Variants in RB1 observed in about 807,000 individuals in gnomAD.
RB1 encodes retinoblastoma-associated protein.
Under a neutral mutation model 135.4 loss-of-function variants are expected in RB1, and 18 were observed. The ratio of observed to expected loss-of-function variants is 0.13; its 90% CI spans 0.09 to 0.20. The LOEUF (loss-of-function observed/expected upper bound fraction) is 0.20. RB1 is among the 10% of genes least tolerant of loss of function. The pLI, the probability that RB1 is intolerant of heterozygous loss-of-function variation, is 1.00. For missense variants in RB1, 868 were observed against 1,110.0 expected (o/e 0.78, Z 3.10); for synonymous variants, 365 against 373.2 (o/e 0.98, Z 0.25).
At chr13:48,423,484 T>C (rs1949036746) in intron 17 of RB1, among the ~76,000 whole-genome samples, 1 of 152,336 alleles carries the variant, frequency 6.6e-6, no homozygotes, top group East Asian at 1.9e-4. Flanking sequence ...TTAAATATTC[T>C]GTAAAAGGCT....
chr13:48,362,376 C>A (rs1386181427), intron 7 of RB1, among the ~76,000 whole-genome samples: 1 of 151,522 alleles, frequency 6.6e-6, no homozygotes, highest in East Asian at 1.9e-4. Flanking sequence ...ATATTTTATA[C>A]CTATCTTTTA....
chr13:48,419,319 A>C (rs1390438092), intron 17 of RB1, among the ~76,000 whole-genome samples: 1 of 152,232 alleles, frequency 6.6e-6, no homozygotes, highest in Non-Finnish European at 1.5e-5. Flanking sequence ...GCAGAAACAA[A>C]GAAGTTCTTT....
intron 2 of RB1, among the ~76,000 whole-genome samples, chr13:48,315,927 T>C (rs1952177928): frequency 6.6e-6 from 1 of 152,202 alleles, no homozygotes; most frequent in African/African-American, 2.4e-5. Flanking sequence ...CTCACACTGT[T>C]TTCCATAGAG....
intron 17 of RB1, among the ~76,000 whole-genome samples, chr13:48,388,339 A>G (rs1435400689): frequency 1.3e-5 from 2 of 152,110 alleles, no homozygotes; most frequent in African/African-American, 4.8e-5. Flanking sequence ...ATTTCATTTG[A>G]TGAGTTTTAA....
At chr13:48,322,852 T>C (rs894774392) in intron 2 of RB1, among the ~76,000 whole-genome samples, 13 of 152,212 alleles carry the variant, frequency 8.5e-5, no homozygotes, top group Non-Finnish European at 4.4e-5. Flanking sequence ...ACATTGCATC[T>C]CTGGAATAAG....
At chr13:48,460,497 T>C (rs1361185676) in intron 20 of RB1, among the ~76,000 whole-genome samples, 1 of 152,228 alleles carries the variant, frequency 6.6e-6, no homozygotes, top group African/African-American at 2.4e-5. Context: ...ACTGGCTTTT[T>C]CTATGTAGTA....
At chr13:48,323,639 A>G (rs1194911086) in intron 2 of RB1, among the ~76,000 whole-genome samples, 1 of 152,064 alleles carries the variant, frequency 6.6e-6, no homozygotes, top group Non-Finnish European at 1.5e-5. Flanking sequence ...GATATATCTT[A>G]TATATAATTG....
At chr13:48,435,406 G>T (rs1301717733) in intron 17 of RB1, among the ~76,000 whole-genome samples, 1 of 152,030 alleles carries the variant, frequency 6.6e-6, no homozygotes, top group African/African-American at 2.4e-5. Flanking sequence ...CTCATTTTCT[G>T]ATTGGATTGT....
intron 17 of RB1, chr13:48,411,221 C>G (rs947546709): frequency 3.5e-6 from 2 of 579,142 alleles, no homozygotes; most frequent in Non-Finnish European, 6.1e-6. Flanking sequence ...AAATAAAATA[C>G]ATGTTAATGC....
intron 2 of RB1, among the ~76,000 whole-genome samples, chr13:48,336,168 A>C (rs138857816): frequency 0.016 from 2,489 of 152,238 alleles, 60 homozygotes; most frequent in African/African-American, 0.054. Context: ...TGTCTCTGCC[A>C]GGCTTTGGTA....
At chr13:48,449,218 A>C (rs933008657) in intron 17 of RB1, among the ~76,000 whole-genome samples, 5 of 152,114 alleles carry the variant, frequency 3.3e-5, no homozygotes, top group Admixed American at 1.3e-4. Context: ...ACTTTCTGGA[A>C]ATATTTGATT....
chr13:48,399,807 C>G (rs1948676665), intron 17 of RB1, among the ~76,000 whole-genome samples: 1 of 151,966 alleles, frequency 6.6e-6, no homozygotes. Context: ...TACCTGAGTC[C>G]TATGTCTGAT....
At chr13:48,455,500 G>A (rs1348833598) in intron 18 of RB1, among the ~76,000 whole-genome samples, 2 of 152,138 alleles carry the variant, frequency 1.3e-5, no homozygotes, top group East Asian at 1.9e-4. Context: ...AATATACTAC[G>A]TGTTGTAGAA....
intron 2 of RB1, among the ~76,000 whole-genome samples, chr13:48,330,217 A>G (rs556779491): frequency 3.9e-5 from 6 of 152,162 alleles, no homozygotes; most frequent in Non-Finnish European, 8.8e-5. Flanking sequence ...CACCAACATG[A>G]AGGAAACAGT....
chr13:48,387,227 C>A (rs1286358160), intron 17 of RB1, among the ~76,000 whole-genome samples: 4 of 152,038 alleles, frequency 2.6e-5, no homozygotes, highest in African/African-American at 4.8e-5. Context: ...TGCTATTGTT[C>A]TATCTTTTTT....
At chr13:48,320,085 C>A in intron 2 of RB1, 1 of 631,606 alleles carries the variant, frequency 1.6e-6, no homozygotes. Flanking sequence ...TCCCGGATGG[C>A]TTCCGCAATG....
chr13:48,312,629 T>G (rs1952140728), intron 2 of RB1, among the ~76,000 whole-genome samples: 1 of 152,248 alleles, frequency 6.6e-6, no homozygotes. Flanking sequence ...ATTTTAAACC[T>G]ATCCGTTCAG....
chr13:48,338,079 G>A (rs1952401221), intron 2 of RB1, among the ~76,000 whole-genome samples: 1 of 152,182 alleles, frequency 6.6e-6, no homozygotes, highest in East Asian at 1.9e-4. Context: ...CGCTTTGTGG[G>A]TAACCCTACC....
intron 17 of RB1, among the ~76,000 whole-genome samples, chr13:48,407,837 C>A (rs1248897541): frequency 1.3e-5 from 2 of 152,102 alleles, no homozygotes; most frequent in Non-Finnish European, 2.9e-5. Context: ...TGTTTCTACA[C>A]AAAAATTTAT....
Sources: gnomAD v4.1 joint callset for allele counts (sites outside exome capture counted in the v4.1 genomes callset) on GRCh38, gnomAD v4.1.1 for gene constraint, MANE v1.5 for transcripts, NCBI Gene and HGNC (gene_info 2026-07-23, HGNC 2026-07-21) for gene names.